The following CDC42BPA variants were observed in gnomAD, a reference collection of about 807,000 sequenced individuals.
The protein encoded by CDC42BPA is CDC42 binding protein kinase alpha.
CDC42BPA carries 80 observed loss-of-function variants against 223.5 expected under a neutral mutation model. The observed-to-expected ratio is 0.36, with a 90% CI of 0.30 to 0.43. CDC42BPA has a LOEUF of 0.43. Among genes scored for constraint, CDC42BPA ranks in the 20% least tolerant of loss-of-function variants. The pLI is 1.00. For synonymous variants in CDC42BPA, 694 were observed against 718.6 expected (o/e 0.97, Z 0.55); for missense variants, 1,743 against 2,099.9 (o/e 0.83, Z 3.32).
intron 2 of CDC42BPA, among the ~76,000 whole-genome samples, chr1:227,243,756 TCACACACACACA>T (rs5781477): frequency 4.8e-4 from 71 of 146,664 alleles, no homozygotes; most frequent in Middle Eastern, 3.5e-3. Context: ...AAAAGATTTG[TCACACACACACA>T]CACACACACA....
intron 1 of CDC42BPA, among the ~76,000 whole-genome samples, chr1:227,300,280 A>C (rs1177902198): frequency 6.6e-6 from 1 of 152,182 alleles, no homozygotes; most frequent in South Asian, 2.1e-4. Flanking sequence ...AACTAAAAGT[A>C]TATCTACCAT....
At chr1:227,102,790 TAATA>T (rs901398409) in intron 14 of CDC42BPA, among the ~76,000 whole-genome samples, 59 of 150,302 alleles carry the variant, frequency 3.9e-4, no homozygotes, top group Middle Eastern at 7.0e-3. Flanking sequence ...GCAAACTTAT[TAATA>T]AATGTGTCAT....
intron 14 of CDC42BPA, among the ~76,000 whole-genome samples, chr1:227,106,044 A>G (rs943661330): frequency 1.3e-5 from 2 of 152,148 alleles, no homozygotes; most frequent in Non-Finnish European, 2.9e-5. Context: ...ACATTATTTT[A>G]TACTTTCTTT....
rs372331056 is a variant in CDC42BPA at position 227,068,112 on chromosome 1, C to T, written c.2904+1665G>A. ...ATATGTTAACTAAAATCACTTTGCA[C>T]ATTAGAAGAGAAATTCTGTCAGCAT... On this transcript the variant is annotated intron_variant, in intron 21 of 36. Coordinates refer to ENST00000366766, the MANE Select transcript of CDC42BPA (RefSeq NM_001394014.1). Among the ~76,000 whole-genome samples the T allele has an allele frequency of 1.4e-4, 21 of 151,850 alleles. No individual in the cohort carries two copies. In the South Asian group the frequency reaches 3.5e-3, roughly 26 times the overall value.
intron 1 of CDC42BPA, among the ~76,000 whole-genome samples, chr1:227,280,994 G>A (rs1012844861): frequency 2.1e-4 from 32 of 152,176 alleles, no homozygotes; most frequent in African/African-American, 7.5e-4. Flanking sequence ...TCCATCAGCA[G>A]TTATGCAGTG....
At chr1:227,253,607 A>AATAAATAAATAAATAC (rs368046447) in intron 2 of CDC42BPA, among the ~76,000 whole-genome samples, 209 of 116,540 alleles carry the variant, frequency 1.8e-3, no homozygotes, top group East Asian at 7.6e-3. Flanking sequence ...AAAATAAATA[A>AATAAATAAATAAATAC]ATACATACAT....
chr1:227,312,806 G>A (rs139532043), intron 1 of CDC42BPA, among the ~76,000 whole-genome samples: 1 of 151,604 alleles, frequency 6.6e-6, no homozygotes, highest in Non-Finnish European at 1.5e-5. Flanking sequence ...TGTTGTGATA[G>A]TGAGTGAGTT....
At chr1:227,004,881 TGA>T in intron 35 of CDC42BPA, 111 bp downstream of exon 35, 1 of 814,250 alleles carries the variant, frequency 1.2e-6, no homozygotes, top group Non-Finnish European at 2.2e-6. Flanking sequence ...TGCAGCCACT[TGA>T]GAATGCAATG....
At chr1:227,071,491 TCTGA>T (rs1189230796) in intron 20 of CDC42BPA, among the ~76,000 whole-genome samples, 6 of 151,832 alleles carry the variant, frequency 4.0e-5, no homozygotes, top group African/African-American at 1.4e-4. Context: ...TATGAAGCAC[TCTGA>T]CTAAGCTTTC....
At chr1:227,259,602 G>A (rs1513616) in intron 1 of CDC42BPA, among the ~76,000 whole-genome samples, 43,441 of 150,294 alleles carry the variant, frequency 0.29, 6,991 homozygotes, top group East Asian at 0.37. Flanking sequence ...AAACTAATAC[G>A]TAATTTAGTT....
intron 1 of CDC42BPA, among the ~76,000 whole-genome samples, chr1:227,316,795 G>GC (rs1694476530): frequency 2.0e-5 from 3 of 152,146 alleles, no homozygotes; most frequent in African/African-American, 7.2e-5. Context: ...CATTAGCTAG[G>GC]CCTTAAATCA....
At chr1:227,030,346 T>C in intron 29 of CDC42BPA, 62 bp downstream of exon 29, 2 of 953,876 alleles carry the variant, frequency 2.1e-6, no homozygotes, top group East Asian at 2.6e-5. Context: ...ATTTAGAATC[T>C]ACAGTTTAAA....
intron 1 of CDC42BPA, among the ~76,000 whole-genome samples, chr1:227,291,747 C>T (rs1689738912): frequency 6.6e-6 from 1 of 152,144 alleles, no homozygotes; most frequent in Non-Finnish European, 1.5e-5. Flanking sequence ...TCTGTTCCAA[C>T]CAAAAGCACA....
At chr1:227,206,029 C>T (rs1672663869) in intron 3 of CDC42BPA, among the ~76,000 whole-genome samples, 1 of 152,144 alleles carries the variant, frequency 6.6e-6, no homozygotes, top group Admixed American at 6.6e-5. Flanking sequence ...GCCTGGACAA[C>T]AGAGCAAGAC....
intron 11 of CDC42BPA, among the ~76,000 whole-genome samples, chr1:227,124,478 T>C (rs1689186453): frequency 6.6e-6 from 1 of 152,144 alleles, no homozygotes; most frequent in East Asian, 1.9e-4. Flanking sequence ...TGAAGGTATA[T>C]ATATTTTTTT....
intron 19 of CDC42BPA, among the ~76,000 whole-genome samples, chr1:227,073,125 T>C (rs1678756381): frequency 6.6e-6 from 1 of 152,182 alleles, no homozygotes; most frequent in African/African-American, 2.4e-5. Flanking sequence ...TGCATTTCTT[T>C]TCAGGCTTTT....
intron 6 of CDC42BPA, among the ~76,000 whole-genome samples, chr1:227,157,933 G>C (rs1572036680): frequency 6.8e-6 from 1 of 146,706 alleles, no homozygotes; most frequent in South Asian, 2.2e-4. Flanking sequence ...ATTTTCCTTT[G>C]TTTTCTTAAA....
At chr1:227,314,704 T>TGTAA (rs1001785433) in intron 1 of CDC42BPA, among the ~76,000 whole-genome samples, 9 of 147,864 alleles carry the variant, frequency 6.1e-5, no homozygotes, top group African/African-American at 2.0e-4. Context: ...AACACAAATA[T>TGTAA]GTAACAACTT....
At chr1:227,037,551 C>T (rs192906342) in intron 24 of CDC42BPA, among the ~76,000 whole-genome samples, 1 of 152,268 alleles carries the variant, frequency 6.6e-6, no homozygotes, top group East Asian at 1.9e-4. Flanking sequence ...TATTAATTTC[C>T]CTCTTACTCA....
Sources: allele counts gnomAD v4.1 joint callset (sites outside exome capture counted in the v4.1 genomes callset), GRCh38; gene constraint gnomAD v4.1.1; transcripts MANE v1.5; gene names NCBI Gene and HGNC (gene_info 2026-07-23, HGNC 2026-07-21).